DOCK3: variants seen among roughly 807,000 people sequenced by gnomAD.
DOCK3 encodes the protein dedicator of cytokinesis protein 3.
DOCK3 carries 60 observed loss-of-function variants against 265.6 expected under a neutral mutation model. That is an observed-to-expected ratio of 0.23 (90% CI 0.18 to 0.28). DOCK3 has a LOEUF of 0.28. DOCK3 is among the 10% of genes least tolerant of loss of function. The pLI, the probability that DOCK3 is intolerant of heterozygous loss-of-function variation, is 1.00. For synonymous variants in DOCK3, 881 were observed against 938.0 expected (o/e 0.94, Z 1.11); for missense variants, 1,981 against 2,594.3 (o/e 0.76, Z 5.14).
intron 3 of DOCK3, among the ~76,000 whole-genome samples, chr3:50,882,569 C>G (rs937152571): frequency 6.6e-6 from 1 of 152,048 alleles, no homozygotes. Context: ...ACAATGAGAT[C>G]CCATCACACA....
chr3:50,861,854 G>A (rs908338397), intron 3 of DOCK3, among the ~76,000 whole-genome samples: 4 of 114,434 alleles, frequency 3.5e-5, no homozygotes, highest in African/African-American at 1.0e-4. Flanking sequence ...AGGTTGGGTC[G>A]TTTTTTTTTT....
chr3:51,352,713 C>A (rs1389900187), intron 40 of DOCK3, among the ~76,000 whole-genome samples: 1 of 152,218 alleles, frequency 6.6e-6, no homozygotes, highest in Non-Finnish European at 1.5e-5. Flanking sequence ...CTGCTCAGTT[C>A]ATCTGTGGCA....
chr3:51,227,354 T>C lies in DOCK3; in HGVS notation c.1449T>C (p.Asn483=), dbSNP rs752062114. Residue 483 remains asparagine (N), a synonymous_variant, in exon 16 of 53, where the codon AAT becomes AAC. Coordinates refer to ENST00000266037, the MANE Select transcript of DOCK3 (RefSeq NM_004947.5). The part of the protein sequence containing the change: ...SYHSFVLYHS[N]SPRWGEIIKL... ...ACTCCTTTGTCCTCTACCACAGTAATAGTCCTCGCTGGGGAGAAATTATCA... is the reference window on the plus strand; with the variant it reads ...ACTCCTTTGTCCTCTACCACAGTAACAGTCCTCGCTGGGGAGAAATTATCA... 28 of 1,613,848 alleles carry C rather than the reference T, an allele frequency of 1.7e-5. No individual in the cohort carries two copies. Among genetic ancestry groups the C allele is most frequent in the Non-Finnish European group, 2.1e-5 (25 of 1,179,882 alleles).
At chr3:50,709,645 G>T (rs770373658) in intron 1 of DOCK3, among the ~76,000 whole-genome samples, 2 of 152,128 alleles carry the variant, frequency 1.3e-5, no homozygotes, top group East Asian at 3.8e-4. Flanking sequence ...GGCCAATATG[G>T]TGAAACCTCA....
At chr3:51,051,901 C>G (rs2081006981) in intron 5 of DOCK3, among the ~76,000 whole-genome samples, 1 of 151,958 alleles carries the variant, frequency 6.6e-6, no homozygotes, top group Non-Finnish European at 1.5e-5. Flanking sequence ...TTTAAACAAC[C>G]AGATCTCACA....
At chr3:50,978,876 G>GCGCAGTATC (rs1304990430) in intron 5 of DOCK3, among the ~76,000 whole-genome samples, 1 of 152,214 alleles carries the variant, frequency 6.6e-6, no homozygotes, top group African/African-American at 2.4e-5. Context: ...CGTCGGAAAA[G>GCGCAGTATC]CGCAGTATTC....
chr3:51,330,343 G>A, intron 33 of DOCK3, 120 bp downstream of exon 33: 1 of 861,992 alleles, frequency 1.2e-6, no homozygotes, highest in Non-Finnish European at 1.8e-6. Context: ...AGGGACCTGG[G>A]TTGTTCCTGA....
At chr3:50,901,703 G>T (rs1236436446) in intron 4 of DOCK3, 1 of 453,682 alleles carries the variant, frequency 2.2e-6, no homozygotes, top group African/African-American at 2.0e-5. Flanking sequence ...AGTCCCTCAT[G>T]GCTACCCTTG....
intron 4 of DOCK3, among the ~76,000 whole-genome samples, chr3:50,906,921 C>T (rs1195242779): frequency 6.6e-6 from 1 of 152,118 alleles, no homozygotes; most frequent in Non-Finnish European, 1.5e-5. Context: ...CTACACACTG[C>T]TTTGAATGTG....
At chr3:50,708,587 C>G (rs372037005) in intron 1 of DOCK3, among the ~76,000 whole-genome samples, 1 of 152,188 alleles carries the variant, frequency 6.6e-6, no homozygotes, top group African/African-American at 2.4e-5. Context: ...ATGTAGGACC[C>G]GGCAGTAATG....
chr3:51,347,949 T>C (rs1393570964), intron 38 of DOCK3, among the ~76,000 whole-genome samples: 3 of 152,180 alleles, frequency 2.0e-5, no homozygotes, highest in African/African-American at 7.2e-5. Context: ...TTGTCTGTTA[T>C]TGGTGTATAG....
intron 4 of DOCK3, among the ~76,000 whole-genome samples, chr3:50,923,844 C>T (rs909587337): frequency 1.3e-5 from 2 of 152,120 alleles, no homozygotes; most frequent in African/African-American, 4.8e-5. Context: ...TGTAGTCTTC[C>T]ACTAATTTTT....
chr3:51,014,255 CT>C (rs995865074), intron 5 of DOCK3, among the ~76,000 whole-genome samples: 1 of 151,728 alleles, frequency 6.6e-6, no homozygotes, highest in African/African-American at 2.4e-5. Context: ...GTTGATCACG[CT>C]TGGAGCTGCA....
intron 5 of DOCK3, among the ~76,000 whole-genome samples, chr3:50,935,238 A>G (rs1048931821): frequency 1.3e-5 from 2 of 152,204 alleles, no homozygotes; most frequent in African/African-American, 4.8e-5. Context: ...AGAACAGCAC[A>G]ATAAAAGCTG....
intron 5 of DOCK3, among the ~76,000 whole-genome samples, chr3:51,061,515 G>A (rs1282242610): frequency 6.6e-6 from 1 of 151,336 alleles, no homozygotes; most frequent in Non-Finnish European, 1.5e-5. Context: ...TGAACAATGA[G>A]AACACATCGA....
intron 2 of DOCK3, among the ~76,000 whole-genome samples, chr3:50,822,882 A>G (rs1354609178): frequency 6.6e-6 from 1 of 152,218 alleles, no homozygotes; most frequent in African/African-American, 2.4e-5. Context: ...TCAAATTTTA[A>G]TGAGATTATA....
intron 27 of DOCK3, among the ~76,000 whole-genome samples, chr3:51,291,445 G>A (rs188949199): frequency 6.6e-6 from 1 of 152,100 alleles, no homozygotes; most frequent in African/African-American, 2.4e-5. Context: ...GAAATATAAA[G>A]GATCATAAGA....
chr3:50,736,944 G>A (rs1368342058), intron 1 of DOCK3, among the ~76,000 whole-genome samples: 2 of 151,896 alleles, frequency 1.3e-5, no homozygotes, highest in Admixed American at 6.6e-5. Flanking sequence ...CACCCGCCTC[G>A]GCCTCCCAAA....
At chr3:50,955,908 C>G (rs2076716822) in intron 5 of DOCK3, among the ~76,000 whole-genome samples, 1 of 152,076 alleles carries the variant, frequency 6.6e-6, no homozygotes, top group African/African-American at 2.4e-5. Flanking sequence ...TATGCCTGGC[C>G]CTCTTTATGT....
Sources: allele counts gnomAD v4.1 joint callset (sites outside exome capture counted in the v4.1 genomes callset), GRCh38; gene constraint gnomAD v4.1.1; transcripts MANE v1.5; gene names NCBI Gene and HGNC (gene_info 2026-07-23, HGNC 2026-07-21).